NLGN4X: variants seen among roughly 807,000 people sequenced by gnomAD.
NLGN4X encodes the protein neuroligin-4, X-linked.
A neutral mutation model predicts 40.3 loss-of-function variants in NLGN4X; 3 were observed. That is an observed-to-expected ratio of 0.07 (90% CI 0.03 to 0.19). The LOEUF (loss-of-function observed/expected upper bound fraction) is 0.19. NLGN4X is among the 10% of genes least tolerant of loss of function. NLGN4X has a pLI of 1.00. For missense variants in NLGN4X, 382 were observed against 708.3 expected, an observed-to-expected ratio of 0.54 and a Z score of 5.23; for synonymous variants, 270 against 306.8, an observed-to-expected ratio of 0.88 and a Z score of 1.25.
At chrX:5,969,672 G>T (rs1362669434) in intron 3 of NLGN4X, among the ~76,000 whole-genome samples, 1 of 110,970 alleles carries the variant, frequency 9.0e-6, no homozygotes, top group Non-Finnish European at 1.9e-5. Flanking sequence ...TCCCACTACT[G>T]ATCATATACC....
chrX:6,227,517 GC>G (rs769022125), intron 1 of NLGN4X, among the ~76,000 whole-genome samples: 1 of 108,488 alleles, frequency 9.2e-6, no homozygotes, highest in South Asian at 4.2e-4. Flanking sequence ...GCCCCCCCGC[GC>G]CCCCCTCAAA....
chrX:5,906,622 C>T (rs1163682127), intron 4 of NLGN4X, among the ~76,000 whole-genome samples: 1 of 111,494 alleles, frequency 9.0e-6, no homozygotes, highest in Non-Finnish European at 1.9e-5. Flanking sequence ...GCGATCCTCC[C>T]ACCTCAGCCC....
intron 3 of NLGN4X, among the ~76,000 whole-genome samples, chrX:5,909,817 C>T (rs754913666): frequency 9.0e-5 from 10 of 111,317 alleles, no homozygotes; most frequent in African/African-American, 3.3e-4. Flanking sequence ...CTAGATCCGA[C>T]TCGTAAATAG....
At chrX:5,963,215 C>T (rs1405837128) in intron 3 of NLGN4X, among the ~76,000 whole-genome samples, 4 of 110,733 alleles carry the variant, frequency 3.6e-5, no homozygotes, top group Non-Finnish European at 7.6e-5. Flanking sequence ...TAGGGAAAAT[C>T]TATGCAATTT....
intron 2 of NLGN4X, among the ~76,000 whole-genome samples, chrX:6,144,666 C>T (rs987702153): frequency 1.8e-5 from 2 of 111,443 alleles, no homozygotes; most frequent in African/African-American, 6.5e-5. Flanking sequence ...CTCTTTCTCA[C>T]GTTGCTTTAC....
rs2031160807 is a variant in NLGN4X at position 5,891,373 on chromosome X, T to C, written c.*1444A>G. On this transcript the variant is annotated 3_prime_UTR_variant, in exon 6 of 6. Coordinates refer to ENST00000381095, the MANE Select transcript of NLGN4X (RefSeq NM_181332.3). ...CACAAATCCACAAAAAGTGATGTTTTCAGACAATCATATGTTTGATCCCAT... is the reference window on the plus strand; with the variant it reads ...CACAAATCCACAAAAAGTGATGTTTCCAGACAATCATATGTTTGATCCCAT... 4.5e-6 allele frequency: 1 copy of C among 220,554 alleles called. No homozygotes were observed. The highest frequency in any genetic ancestry group is 5.6e-5 in the South Asian group (1 of 17,805). 18.2% of individuals were successfully genotyped at this position (220,554 alleles called of 1,213,427 possible).
chrX:6,030,179 T>C (rs1386469611), intron 2 of NLGN4X, among the ~76,000 whole-genome samples: 1 of 112,138 alleles, frequency 8.9e-6, no homozygotes, highest in Non-Finnish European at 1.9e-5. Context: ...TAAACTCCCA[T>C]TGTGACTTGC....
At chrX:6,083,820 T>C (rs1360556673) in intron 2 of NLGN4X, among the ~76,000 whole-genome samples, 1 of 112,301 alleles carries the variant, frequency 8.9e-6, no homozygotes, top group Admixed American at 9.4e-5. Flanking sequence ...TTTGAATGTG[T>C]TGTGTTTGGA....
At chrX:6,044,197 T>C (rs886885523) in intron 2 of NLGN4X, among the ~76,000 whole-genome samples, 24 of 111,758 alleles carry the variant, frequency 2.1e-4, no homozygotes, top group African/African-American at 7.8e-4. Context: ...GTGGGAGGAC[T>C]GCTTGAGTCC....
In NLGN4X at chrX:6,151,313, A is replaced by G. The variant is rs374887193; in HGVS notation, c.154T>C (p.Tyr52His). 93 of 1,209,893 alleles carry G rather than the reference A, an allele frequency of 7.7e-5. No homozygotes were observed. Among genetic ancestry groups the G allele is most frequent in the Non-Finnish European group, 9.8e-5 (88 of 895,248 alleles). Residue 52 changes from tyrosine to histidine, a missense_variant, in exon 2 of 6, where the codon TAT (tyrosine) becomes CAT (histidine). Tyr to His is a moderately conservative substitution (Grantham distance 83). This residue lies in a region of NLGN4X where 115 missense variants were observed against 149.6 expected (regional missense o/e 0.77). Transcript: ENST00000381095. ...GTTCTTAGGCCCCGGATTTTGCCAT[A>G]ATTTGTGTTGACAACTGGATACTGT... Reference protein sequence around the residue: ...QAQYPVVNTNYGKIRGLRTPL... With the variant: ...QAQYPVVNTNHGKIRGLRTPL...
chrX:6,175,655 G>GAAAAAAAAAAAAAA (rs3045369), intron 1 of NLGN4X, among the ~76,000 whole-genome samples: 21 of 60,997 alleles, frequency 3.4e-4, no homozygotes, highest in African/African-American at 1.3e-3. Context: ...ATCTATTACA[G>GAAAAAAAAAAAAAA]AAAAAAAAAA....
chrX:5,934,805 G>A (rs779886188), intron 3 of NLGN4X, among the ~76,000 whole-genome samples: 2 of 112,470 alleles, frequency 1.8e-5, no homozygotes, highest in East Asian at 5.6e-4. Context: ...ACAGACATGT[G>A]CAGACATACA....
In NLGN4X at chrX:5,892,680, T is replaced by C; in HGVS notation, c.*137A>G. Reference sequence around the variant, plus strand: ...ATGGGATGACTGCCTTTTTGCATTTTTGTCTTAAGTCAGTGGGACAAAAAC... The same window carrying C: ...ATGGGATGACTGCCTTTTTGCATTTCTGTCTTAAGTCAGTGGGACAAAAAC... On this transcript the variant is annotated 3_prime_UTR_variant, in exon 6 of 6. Coordinates refer to ENST00000381095, the MANE Select transcript of NLGN4X (RefSeq NM_181332.3). 1.1e-6 allele frequency: 1 copy of C among 920,894 alleles called. No individual in the cohort carries two copies. Among genetic ancestry groups the C allele is most frequent in the African/African-American group, 1.9e-5 (1 of 51,427 alleles). 75.9% of individuals were successfully genotyped at this position (920,894 alleles called of 1,213,427 possible). A position where few individuals can be genotyped will look rare whatever the true frequency, so the allele number is the denominator to read the frequency against.
chrX:5,978,483 T>C (rs2035278995), intron 3 of NLGN4X, among the ~76,000 whole-genome samples: 1 of 110,846 alleles, frequency 9.0e-6, no homozygotes, highest in African/African-American at 3.3e-5. Context: ...AGATCAGACA[T>C]ACTGAAGGCT....
At chrX:5,908,774 C>T (rs2032333596) in intron 4 of NLGN4X, among the ~76,000 whole-genome samples, 1 of 111,631 alleles carries the variant, frequency 9.0e-6, no homozygotes, top group South Asian at 3.7e-4. Context: ...AGCCAGTAGT[C>T]CCAGGTATTC....
At position 5,908,846 on chromosome X, in the gene NLGN4X, A is replaced by G. The variant is rs57586772; in HGVS notation, c.811+208T>C. On this transcript the variant is annotated intron_variant, in intron 4 of 5. Transcript: ENST00000381095. ...TTGGAAGCTACAATGAGCTATGATC[A>G]TACCACTGCACTCCAGCCTGGGTGA... 0.19 allele frequency among the ~76,000 whole-genome samples: 20,856 copies of G among 111,635 alleles called. 1,705 individuals are homozygous for G. The highest frequency in any genetic ancestry group is 0.31 in the African/African-American group (9,437 of 30,603).
At chrX:6,064,341 A>G (rs1246122357) in intron 2 of NLGN4X, among the ~76,000 whole-genome samples, 3 of 112,055 alleles carry the variant, frequency 2.7e-5, no homozygotes, top group Non-Finnish European at 5.6e-5. Flanking sequence ...TGTCTTTCAC[A>G]GATGGACACA....
chrX:6,215,320 G>A (rs1924976025), intron 1 of NLGN4X, among the ~76,000 whole-genome samples: 2 of 104,558 alleles, frequency 1.9e-5, no homozygotes, highest in African/African-American at 7.4e-5. Context: ...AGAGGCCAAG[G>A]CAGGTGGATC....
intron 2 of NLGN4X, among the ~76,000 whole-genome samples, chrX:6,058,162 GCA>G (rs780169986): frequency 2.4e-4 from 26 of 108,524 alleles, no homozygotes; most frequent in African/African-American, 6.3e-4. Context: ...GTGTATACAT[GCA>G]CACACACACA....
Sources: allele counts gnomAD v4.1 joint callset (sites outside exome capture counted in the v4.1 genomes callset), GRCh38; gene constraint gnomAD v4.1.1; regional missense constraint gnomAD v4.1.1; transcripts MANE v1.5; gene names NCBI Gene and HGNC (gene_info 2026-07-23, HGNC 2026-07-21).